SUGCT: variants seen among roughly 807,000 people sequenced by gnomAD.
SUGCT encodes the protein succinyl-CoA:glutarate CoA-transferase.
In SUGCT, 41 loss-of-function variants were observed where a neutral mutation model predicts 55.0. The ratio of observed to expected loss-of-function variants is 0.74; its 90% CI spans 0.58 to 0.97. SUGCT has a LOEUF of 0.97. SUGCT is among the 50% of genes least tolerant of loss of function. The probability of loss-of-function intolerance (pLI) is 0.00; values close to 1 mark genes in which losing one functional copy is unlikely to be tolerated. For synonymous variants in SUGCT, 187 were observed against 200.4 expected (o/e 0.93, Z 0.56); for missense variants, 568 against 547.8 (o/e 1.04, Z -0.37).
At chr7:40,261,104 C>A (rs893543059) in intron 7 of SUGCT, among the ~76,000 whole-genome samples, 3 of 152,084 alleles carry the variant, frequency 2.0e-5, no homozygotes, top group Non-Finnish European at 4.4e-5. Context: ...AGTAGACTTT[C>A]TCCAGTGAAA....
the SUGCT span, among the ~76,000 whole-genome samples, chr7:41,004,138 T>C: frequency 6.6e-6 from 1 of 152,160 alleles, no homozygotes; most frequent in Admixed American, 6.5e-5. Flanking sequence ...CAGATTCCCA[T>C]GAAAACTGAA....
At chr7:40,548,120 C>T (rs1206285961) in intron 12 of SUGCT, among the ~76,000 whole-genome samples, 1 of 149,250 alleles carries the variant, frequency 6.7e-6, no homozygotes, top group Admixed American at 6.7e-5. Context: ...GCATTCTTTA[C>T]TTTTTGTGTG....
chr7:40,199,680 T>C (rs1406340897), intron 6 of SUGCT, among the ~76,000 whole-genome samples: 1 of 152,222 alleles, frequency 6.6e-6, no homozygotes, highest in Non-Finnish European at 1.5e-5. Flanking sequence ...TTATTTCTCC[T>C]GTTCTTGTTA....
At chr7:40,159,505 G>C (rs1784048218) in intron 1 of SUGCT, among the ~76,000 whole-genome samples, 1 of 151,926 alleles carries the variant, frequency 6.6e-6, no homozygotes, top group African/African-American at 2.4e-5. Flanking sequence ...TGAGTAGCTG[G>C]GACTACAGGC....
intron 11 of SUGCT, among the ~76,000 whole-genome samples, chr7:40,476,958 T>C (rs999560602): frequency 6.6e-6 from 1 of 152,080 alleles, no homozygotes; most frequent in African/African-American, 2.4e-5. Flanking sequence ...CTGGGACAGG[T>C]GTGAGCCACT....
At chr7:40,641,914 C>A (rs1477987141) in intron 12 of SUGCT, among the ~76,000 whole-genome samples, 1 of 152,082 alleles carries the variant, frequency 6.6e-6, no homozygotes, top group Non-Finnish European at 1.5e-5. Context: ...TACCACAAAA[C>A]GTTAGGGGAG....
At chr7:40,991,264 G>C in the SUGCT span, among the ~76,000 whole-genome samples, 4 of 152,178 alleles carry the variant, frequency 2.6e-5, no homozygotes, top group Non-Finnish European at 1.5e-5. Flanking sequence ...ATGCTGGTTG[G>C]TGGAGGAGTC....
intron 9 of SUGCT, among the ~76,000 whole-genome samples, chr7:40,324,737 A>G (rs1375521044): frequency 6.6e-6 from 1 of 152,160 alleles, no homozygotes. Flanking sequence ...TGCTTTGCAG[A>G]CCAATGGGAG....
rs753831920 is a variant in SUGCT, at chr7:40,316,781, G to A, written c.742G>A (p.Ala248Thr). The change falls in exon 9 of 14, where the codon GCT becomes ACT. Residue 248 changes from alanine to threonine, a missense_variant. Coordinates refer to ENST00000335693, the MANE Select transcript of SUGCT (RefSeq NM_001193313.2). Reference sequence around the variant, plus strand: ...GTAGGTGGCGTGTTTGTCTCACATAGCTGCAAATTATCTTATTGGTCAAAA... The same window carrying A: ...GTAGGTGGCGTGTTTGTCTCACATAACTGCAAATTATCTTATTGGTCAAAA... ...SSQVACLSHI[A>T]ANYLIGQKEA... The A allele has an allele frequency of 1.2e-6, 2 of 1,600,152 alleles. No individual in the cohort carries two copies. Among genetic ancestry groups the A allele is most frequent in the Non-Finnish European group, 1.7e-6 (2 of 1,172,600 alleles).
Position 40,272,141 on chromosome 7 carries a change from CATAT to C in SUGCT, c.577-2322_577-2319del, listed in dbSNP as rs58480323. On this transcript the variant is annotated intron_variant, in intron 7 of 13. Coordinates refer to ENST00000335693, the MANE Select transcript of SUGCT (RefSeq NM_001193313.2). The stretch of plus-strand genomic sequence containing the variant: ...TGTTTCAAAAACAACTGCAATGTGA[CATAT>C]ATATATATATATATATATATATATA... Among the ~76,000 whole-genome samples the C allele has an allele frequency of 5.3e-3, 245 of 46,628 alleles. 3 individuals carry two copies. Among genetic ancestry groups the C allele is most frequent in the Non-Finnish European group, 8.1e-3 (176 of 21,598 alleles). The allele number at this position is 46,628 out of a possible 152,430, so 30.6% of individuals were successfully genotyped here.
intron 1 of SUGCT, among the ~76,000 whole-genome samples, chr7:40,164,268 C>T (rs1584231694): frequency 1.3e-5 from 2 of 152,210 alleles, no homozygotes; most frequent in South Asian, 4.1e-4. Context: ...GCAGGGACTA[C>T]AGGCACCTTC....
At chr7:40,873,724 A>C in the SUGCT span, among the ~76,000 whole-genome samples, 214 of 152,336 alleles carry the variant, frequency 1.4e-3, no homozygotes, top group African/African-American at 4.9e-3. Flanking sequence ...AGCATTGTTG[A>C]AGATTTTGTG....
At chr7:40,956,681 T>TCTTG in the SUGCT span, among the ~76,000 whole-genome samples, 68,356 of 131,084 alleles carry the variant, frequency 0.52, 15,929 homozygotes, top group African/African-American at 0.6. Context: ...ATTTGTTTGC[T>TCTTG]CTTCTCTAGT....
At chr7:40,889,307 T>C in the SUGCT span, among the ~76,000 whole-genome samples, 2 of 152,082 alleles carry the variant, frequency 1.3e-5, no homozygotes, top group African/African-American at 4.8e-5. Flanking sequence ...TGGTCTGAAG[T>C]GTTCCCTGGG....
At chr7:40,772,492 A>G (rs1292938341) in intron 13 of SUGCT, among the ~76,000 whole-genome samples, 1 of 128,240 alleles carries the variant, frequency 7.8e-6, no homozygotes, top group Admixed American at 8.2e-5. Context: ...AATTCTTTTG[A>G]AATATCTATC....
chr7:40,772,550 CTATCT>C (rs969280945), intron 13 of SUGCT, among the ~76,000 whole-genome samples: 7 of 145,746 alleles, frequency 4.8e-5, no homozygotes, highest in African/African-American at 1.0e-4. Flanking sequence ...ATCTATCTAT[CTATCT>C]ATCTATCTGG....
chr7:40,165,992 C>T (rs1459918461), intron 1 of SUGCT, among the ~76,000 whole-genome samples: 2 of 152,172 alleles, frequency 1.3e-5, no homozygotes, highest in Non-Finnish European at 2.9e-5. Flanking sequence ...TGTGGTGGCA[C>T]ACGCCTGTAA....
At chr7:40,927,260 T>A in the SUGCT span, among the ~76,000 whole-genome samples, 1 of 152,202 alleles carries the variant, frequency 6.6e-6, no homozygotes, top group Non-Finnish European at 1.5e-5. Context: ...ATAAATTGAT[T>A]TAAATTATTA....
intron 6 of SUGCT, among the ~76,000 whole-genome samples, chr7:40,212,430 C>CA (rs892387892): frequency 2.1e-5 from 3 of 141,232 alleles, no homozygotes; most frequent in African/African-American, 7.5e-5. Flanking sequence ...TCTCAAAAAC[C>CA]AAAAAAAAGA....
Sources: allele counts gnomAD v4.1 joint callset (sites outside exome capture counted in the v4.1 genomes callset), GRCh38; gene constraint gnomAD v4.1.1; transcripts MANE v1.5; gene names NCBI Gene and HGNC (gene_info 2026-07-23, HGNC 2026-07-21).